The following TJP1 variants were observed in gnomAD, a reference collection of about 807,000 sequenced individuals.
TJP1 encodes the protein tight junction protein ZO-1.
A neutral mutation model predicts 194.2 loss-of-function variants in TJP1; 43 were observed. The observed-to-expected ratio is 0.22, with a 90% CI of 0.17 to 0.29. The LOEUF (loss-of-function observed/expected upper bound fraction) is 0.29. TJP1 is among the 10% of genes least tolerant of loss of function. The pLI is 1.00. For synonymous variants in TJP1, 801 were observed against 779.0 expected, an observed-to-expected ratio of 1.03 and a Z score of -0.47; for missense variants, 1,971 against 2,185.7, an observed-to-expected ratio of 0.90 and a Z score of 1.96.
At chr15:29,933,212 A>G (rs993966275) in intron 2 of TJP1, among the ~76,000 whole-genome samples, 2 of 152,208 alleles carry the variant, frequency 1.3e-5, no homozygotes, top group African/African-American at 2.4e-5. Flanking sequence ...GATGACATCC[A>G]TCAGTCAGTA....
At chr15:29,918,117 A>G (rs1005350042) in intron 2 of TJP1, among the ~76,000 whole-genome samples, 1 of 152,182 alleles carries the variant, frequency 6.6e-6, no homozygotes, top group African/African-American at 2.4e-5. Context: ...CACGCAGCAT[A>G]ATGTCCTCAA....
chr15:29,947,101 T>G (rs12910079), intron 2 of TJP1, among the ~76,000 whole-genome samples: 31,828 of 152,078 alleles, frequency 0.21, 3,707 homozygotes, highest in East Asian at 0.49. Flanking sequence ...TATGCAAATT[T>G]TAGTTGTATA....
intron 2 of TJP1, among the ~76,000 whole-genome samples, chr15:29,786,692 G>C (rs916850751): frequency 3.9e-5 from 6 of 152,132 alleles, no homozygotes; most frequent in Non-Finnish European, 8.8e-5. Flanking sequence ...TGTAGAGATA[G>C]GGTCTCACTA....
chr15:29,862,765 A>G (rs2152104889), intron 2 of TJP1, among the ~76,000 whole-genome samples: 1 of 148,966 alleles, frequency 6.7e-6, no homozygotes, highest in Middle Eastern at 3.6e-3. Flanking sequence ...CTCCTGCCTC[A>G]GCCTCCCGTG....
chr15:29,706,437 CTTTT>C (rs1047453039), intron 25 of TJP1, among the ~76,000 whole-genome samples: 1 of 151,902 alleles, frequency 6.6e-6, no homozygotes, highest in African/African-American at 2.4e-5. Flanking sequence ...AAATCGGAAA[CTTTT>C]TTTTGAGTGT....
chr15:29,854,947 A>C (rs1297303455), intron 2 of TJP1, among the ~76,000 whole-genome samples: 3 of 152,190 alleles, frequency 2.0e-5, no homozygotes, highest in African/African-American at 7.2e-5. Flanking sequence ...GTTCAAAGAG[A>C]AGCAGTACTA....
intron 5 of TJP1, among the ~76,000 whole-genome samples, chr15:29,765,159 T>C (rs1365770025): frequency 6.6e-6 from 1 of 152,104 alleles, no homozygotes; most frequent in Non-Finnish European, 1.5e-5. Flanking sequence ...GCAAGCAAGC[T>C]AGAGACTGAA....
At chr15:29,791,332 T>G (rs925365580) in intron 2 of TJP1, among the ~76,000 whole-genome samples, 2 of 149,314 alleles carry the variant, frequency 1.3e-5, no homozygotes, top group Non-Finnish European at 3.0e-5. Flanking sequence ...CAGGCCTTTC[T>G]TTGGGATATA....
intron 2 of TJP1, among the ~76,000 whole-genome samples, chr15:29,780,171 A>C (rs937427264): frequency 6.6e-6 from 1 of 152,124 alleles, no homozygotes; most frequent in African/African-American, 2.4e-5. Context: ...AGTACATTAC[A>C]TTTATTGTGT....
chr15:29,871,580 G>A (rs1219227188), intron 2 of TJP1, among the ~76,000 whole-genome samples: 1 of 152,232 alleles, frequency 6.6e-6, no homozygotes, highest in African/African-American at 2.4e-5. Flanking sequence ...GCCTTCCTAT[G>A]AGGAAGTGCG....
At chr15:29,782,490 A>G (rs1186222790) in intron 2 of TJP1, among the ~76,000 whole-genome samples, 1 of 152,222 alleles carries the variant, frequency 6.6e-6, no homozygotes, top group Non-Finnish European at 1.5e-5. Context: ...CTGGCTAGCC[A>G]TATGCAGAAG....
At chr15:29,800,278 A>C (rs1363013556) in intron 2 of TJP1, among the ~76,000 whole-genome samples, 1 of 152,216 alleles carries the variant, frequency 6.6e-6, no homozygotes, top group Non-Finnish European at 1.5e-5. Flanking sequence ...TTTATTATGC[A>C]TACAACCTGG....
chr15:29,786,098 A>G (rs2047681277), intron 2 of TJP1, among the ~76,000 whole-genome samples: 1 of 152,238 alleles, frequency 6.6e-6, no homozygotes, highest in African/African-American at 2.4e-5. Flanking sequence ...CAGATTTTCT[A>G]CCAACTTGGT....
intron 2 of TJP1, among the ~76,000 whole-genome samples, chr15:29,912,439 G>A (rs1055824074): frequency 6.6e-6 from 1 of 152,176 alleles, no homozygotes; most frequent in Non-Finnish European, 1.5e-5. Context: ...GCCGGGCGTG[G>A]TGGCTCACGC....
chr15:29,775,305 G>C (rs1285842603), intron 2 of TJP1, among the ~76,000 whole-genome samples: 1 of 138,832 alleles, frequency 7.2e-6, no homozygotes, highest in African/African-American at 2.7e-5. Flanking sequence ...GAGAGAAGGC[G>C]AAAGTCCTCC....
At chr15:29,887,936 G>A (rs1400496892) in intron 2 of TJP1, among the ~76,000 whole-genome samples, 1 of 152,068 alleles carries the variant, frequency 6.6e-6, no homozygotes, top group Non-Finnish European at 1.5e-5. Context: ...CTGTGACCCA[G>A]TAATTCCACT....
At chr15:29,715,315 C>G (rs1054613597) in intron 23 of TJP1, among the ~76,000 whole-genome samples, 2 of 152,132 alleles carry the variant, frequency 1.3e-5, no homozygotes, top group Non-Finnish European at 2.9e-5. Flanking sequence ...GCATTTAATA[C>G]AACCCCCACT....
At chr15:29,790,751 C>CT (rs926624507) in intron 2 of TJP1, among the ~76,000 whole-genome samples, 11,906 of 130,778 alleles carry the variant, frequency 0.091, 511 homozygotes, top group Non-Finnish European at 0.099. Context: ...GTTCATTTTT[C>CT]TTTTTTTTTT....
intron 2 of TJP1, among the ~76,000 whole-genome samples, chr15:29,862,120 T>C (rs1249864623): frequency 6.6e-6 from 1 of 152,204 alleles, no homozygotes; most frequent in Non-Finnish European, 1.5e-5. Context: ...CACTGAATCC[T>C]AGTCCAACAT....
Sources: gnomAD v4.1 joint callset for allele counts (sites outside exome capture counted in the v4.1 genomes callset) on GRCh38, gnomAD v4.1.1 for gene constraint, MANE v1.5 for transcripts, NCBI Gene and HGNC (gene_info 2026-07-23, HGNC 2026-07-21) for gene names.